Variants in GREB1L observed in about 807,000 individuals in gnomAD.
GREB1L encodes GREB1-like protein.
GREB1L carries 17 observed loss-of-function variants against 200.8 expected under a neutral mutation model. The ratio of observed to expected loss-of-function variants is 0.08; its 90% confidence interval spans 0.06 to 0.13. The LOEUF (loss-of-function observed/expected upper bound fraction) is 0.13. GREB1L is among the 10% of genes least tolerant of loss of function. The pLI, the probability that GREB1L is intolerant of heterozygous loss-of-function variation, is 1.00. For synonymous variants in GREB1L, 789 were observed against 893.0 expected, an observed-to-expected ratio of 0.88 and a Z score of 2.08; for missense variants, 1,657 against 2,367.7, an observed-to-expected ratio of 0.70 and a Z score of 6.23.
chr18:21,365,164 C>T (rs1246727119), intron 1 of GREB1L, among the ~76,000 whole-genome samples: 1 of 151,596 alleles, frequency 6.6e-6, no homozygotes, highest in African/African-American at 2.4e-5. Context: ...TGAAAAAAAC[C>T]ATTTTTAGAC....
At chr18:21,430,502 C>A (rs946528607) in intron 7 of GREB1L, among the ~76,000 whole-genome samples, 10 of 132,580 alleles carry the variant, frequency 7.5e-5, no homozygotes, top group African/African-American at 2.8e-4. Context: ...CTTCTTCTTT[C>A]TTTGGGTTTA....
intron 7 of GREB1L, among the ~76,000 whole-genome samples, chr18:21,424,050 A>T (rs1487423312): frequency 6.6e-6 from 1 of 152,162 alleles, no homozygotes; most frequent in Non-Finnish European, 1.5e-5. Context: ...TTGAGGTAGG[A>T]TGCTATCCCC....
At chr18:21,346,719 G>A (rs1233633816) in intron 1 of GREB1L, among the ~76,000 whole-genome samples, 1 of 152,112 alleles carries the variant, frequency 6.6e-6, no homozygotes, top group Admixed American at 6.6e-5. Context: ...ATAACATTTG[G>A]AGGTAACAGT....
At chr18:21,448,423 G>A (rs2034349711) in intron 11 of GREB1L, among the ~76,000 whole-genome samples, 1 of 152,110 alleles carries the variant, frequency 6.6e-6, no homozygotes. Context: ...TACTTTCCCA[G>A]AAAAGATGGG....
At chr18:21,395,889 C>T (rs1332531063) in intron 5 of GREB1L, among the ~76,000 whole-genome samples, 2 of 151,052 alleles carry the variant, frequency 1.3e-5, no homozygotes, top group African/African-American at 4.9e-5. Flanking sequence ...GCCACCACAC[C>T]CAGCTAATTT....
chr18:21,402,900 T>C (rs1356877433), intron 6 of GREB1L, among the ~76,000 whole-genome samples: 2 of 151,174 alleles, frequency 1.3e-5, no homozygotes, highest in Admixed American at 6.6e-5. Flanking sequence ...GCTGAAATTA[T>C]ATTTATTTAT....
intron 1 of GREB1L, among the ~76,000 whole-genome samples, chr18:21,288,882 C>T (rs531034914): frequency 6.6e-6 from 1 of 152,106 alleles, no homozygotes; most frequent in South Asian, 2.1e-4. Context: ...GGATTACAGG[C>T]GCCCACCACC....
chr18:21,372,094 G>A (rs2039896934), intron 2 of GREB1L, among the ~76,000 whole-genome samples: 1 of 151,368 alleles, frequency 6.6e-6, no homozygotes, highest in African/African-American at 2.4e-5. Context: ...TTTAGAAAGT[G>A]ACATCTGTAA....
chr18:21,458,127 C>T (rs2034861391), intron 15 of GREB1L, among the ~76,000 whole-genome samples: 1 of 152,040 alleles, frequency 6.6e-6, no homozygotes, highest in Non-Finnish European at 1.5e-5. Context: ...CGCCACCATG[C>T]CTGGCTAATT....
chr18:21,383,653 CCAG>C lies in GREB1L; in HGVS notation c.138_140del (p.Gln46del). The C allele has an allele frequency of 6.4e-7, 1 of 1,550,886 alleles. No individual in the cohort carries two copies. Among genetic ancestry groups the C allele is most frequent in the Non-Finnish European group, 8.7e-7 (1 of 1,146,640 alleles). On this transcript the variant is annotated inframe_deletion, in exon 3 of 33. Transcript: ENST00000424526. ...TTTCCCAGCTATACCTGGACCCTGA[CCAG>C]CATCCTTTCTCATCTGCAGGTAAGT...
At chr18:21,360,477 C>T (rs1363624287) in intron 1 of GREB1L, among the ~76,000 whole-genome samples, 3 of 152,170 alleles carry the variant, frequency 2.0e-5, no homozygotes, top group Non-Finnish European at 2.9e-5. Context: ...CCACTCGCCT[C>T]GGCCTCCCAA....
At chr18:21,340,863 T>C (rs879711016) in intron 1 of GREB1L, among the ~76,000 whole-genome samples, 1 of 152,166 alleles carries the variant, frequency 6.6e-6, no homozygotes, top group Non-Finnish European at 1.5e-5. Context: ...ATGTTAATAA[T>C]ATACATGAAA....
rs532425589 is a variant in GREB1L at position 21,392,757 on chromosome 18, A to T, written c.356-2628A>T. The stretch of plus-strand genomic sequence containing the variant: ...CCGCTTCATCCATTTTTTTAAATTT[A>T]AATTTTAATTTTTTTTCTTTAAAAA... On this transcript the variant is annotated intron_variant, in intron 4 of 32. Transcript: ENST00000424526. 1.6e-4 allele frequency among the ~76,000 whole-genome samples: 24 copies of T among 152,088 alleles called. No individual in the cohort carries two copies. The South Asian group carries it at 1.7e-3, about 11-fold the overall frequency.
At chr18:21,385,841 A>G (rs2040516715) in intron 4 of GREB1L, among the ~76,000 whole-genome samples, 1 of 152,176 alleles carries the variant, frequency 6.6e-6, no homozygotes, top group Non-Finnish European at 1.5e-5. Flanking sequence ...TAATTTTCAA[A>G]TATCTAATTT....
intron 1 of GREB1L, among the ~76,000 whole-genome samples, chr18:21,307,305 A>G (rs2038716005): frequency 6.6e-6 from 1 of 152,226 alleles, no homozygotes; most frequent in South Asian, 2.1e-4. Context: ...GGAACTATGC[A>G]GGAATCTAGA....
At chr18:21,479,673 T>G (rs1423707714) in intron 17 of GREB1L, among the ~76,000 whole-genome samples, 1 of 150,348 alleles carries the variant, frequency 6.7e-6, no homozygotes, top group Non-Finnish European at 1.5e-5. Flanking sequence ...AGCAAGACCC[T>G]GTCTCAAAAA....
At chr18:21,362,147 C>A (rs1192244509) in intron 1 of GREB1L, among the ~76,000 whole-genome samples, 6 of 151,566 alleles carry the variant, frequency 4.0e-5, no homozygotes, top group South Asian at 4.2e-4. Flanking sequence ...TTAAAAAAAA[C>A]CCAGAAAATT....
At chr18:21,307,224 C>T (rs1243097763) in intron 1 of GREB1L, among the ~76,000 whole-genome samples, 2 of 152,212 alleles carry the variant, frequency 1.3e-5, no homozygotes, top group African/African-American at 4.8e-5. Flanking sequence ...AGTTCTGCTA[C>T]ATTCTCTCAC....
intron 21 of GREB1L, among the ~76,000 whole-genome samples, chr18:21,498,233 C>T (rs1257399867): frequency 6.6e-6 from 1 of 152,150 alleles, no homozygotes; most frequent in Non-Finnish European, 1.5e-5. Context: ...TCCATTCTGG[C>T]AGCAGCTGCT....
Sources: gnomAD v4.1 joint callset for allele counts (sites outside exome capture counted in the v4.1 genomes callset) on GRCh38, gnomAD v4.1.1 for gene constraint, MANE v1.5 for transcripts, NCBI Gene and HGNC (gene_info 2026-07-23, HGNC 2026-07-21) for gene names.